RIMS2: variants seen among roughly 807,000 people sequenced by gnomAD.
The protein encoded by RIMS2 is regulating synaptic membrane exocytosis 2, also known as regulating synaptic membrane exocytosis protein 2.
Under a neutral mutation model 174.4 loss-of-function variants are expected in RIMS2, and 59 were observed. That is an observed-to-expected ratio of 0.34 (90% CI 0.27 to 0.42). The LOEUF is 0.42. Among genes scored for constraint, RIMS2 ranks in the 10% least tolerant of loss-of-function variants. RIMS2 has a pLI of 1.00. For synonymous variants in RIMS2, 606 were observed against 572.5 expected (o/e 1.06, Z -0.84); for missense variants, 1,620 against 1,666.3 (o/e 0.97, Z 0.48).
intron 2 of RIMS2, among the ~76,000 whole-genome samples, chr8:103,715,816 T>C (rs145106789): frequency 2.0e-4 from 30 of 152,294 alleles, no homozygotes; most frequent in African/African-American, 7.2e-4. Flanking sequence ...AGAGATAAAC[T>C]TCAGAAACAA....
chr8:103,567,320 A>C (rs1051213599), intron 1 of RIMS2, among the ~76,000 whole-genome samples: 2 of 151,952 alleles, frequency 1.3e-5, no homozygotes, highest in Admixed American at 6.6e-5. Context: ...ACGCCCCATT[A>C]TTCCCTCATC....
intron 1 of RIMS2, among the ~76,000 whole-genome samples, chr8:103,695,829 T>C (rs1455721064): frequency 6.6e-6 from 1 of 152,044 alleles, no homozygotes; most frequent in African/African-American, 2.4e-5. Flanking sequence ...TAATTCTTAT[T>C]GGGTTTCACT....
chr8:103,587,468 G>GAAAGAAAGAA, intron 1 of RIMS2, among the ~76,000 whole-genome samples: 1 of 96,412 alleles, frequency 1.0e-5, no homozygotes, highest in South Asian at 3.3e-4. Flanking sequence ...AAGAAAGAAA[G>GAAAGAAAGAA]AAACTATGCA....
At chr8:103,699,954 A>C (rs538356686) in intron 2 of RIMS2, among the ~76,000 whole-genome samples, 1 of 152,220 alleles carries the variant, frequency 6.6e-6, no homozygotes, top group South Asian at 2.1e-4. Context: ...ATATGCCTCA[A>C]ATTCTTTGGA....
At chr8:103,649,334 G>A (rs761772086) in intron 1 of RIMS2, among the ~76,000 whole-genome samples, 3 of 152,030 alleles carry the variant, frequency 2.0e-5, no homozygotes, top group Non-Finnish European at 4.4e-5. Context: ...GCTGCATTTT[G>A]TAGGTGACCT....
intron 19 of RIMS2, among the ~76,000 whole-genome samples, chr8:104,221,162 TTACA>T (rs1244226245): frequency 9.9e-5 from 15 of 152,192 alleles, no homozygotes; most frequent in African/African-American, 2.7e-4. Context: ...AAATTTTCTC[TTACA>T]TAAAGTATTT....
chr8:104,055,519 T>G (rs1414193850), intron 19 of RIMS2, among the ~76,000 whole-genome samples: 2 of 152,178 alleles, frequency 1.3e-5, no homozygotes, highest in Non-Finnish European at 2.9e-5. Flanking sequence ...CTATAAACAA[T>G]TATTGTACCT....
At chr8:103,583,192 A>G (rs1041342749) in intron 1 of RIMS2, among the ~76,000 whole-genome samples, 1 of 152,210 alleles carries the variant, frequency 6.6e-6, no homozygotes, top group Non-Finnish European at 1.5e-5. Context: ...TCAAGGTGGT[A>G]CCTCTATGAG....
chr8:103,611,630 T>C (rs1472757271), intron 1 of RIMS2, among the ~76,000 whole-genome samples: 1 of 152,076 alleles, frequency 6.6e-6, no homozygotes, highest in East Asian at 1.9e-4. Context: ...CTGTGAAAAG[T>C]CAGCCACCAG....
At chr8:104,046,286 G>C (rs1338859888) in intron 19 of RIMS2, among the ~76,000 whole-genome samples, 1 of 151,800 alleles carries the variant, frequency 6.6e-6, no homozygotes, top group African/African-American at 2.4e-5. Flanking sequence ...TTTCATTATG[G>C]CACAAATCCC....
chr8:103,752,294 T>G (rs183730179), intron 2 of RIMS2, among the ~76,000 whole-genome samples: 1 of 152,174 alleles, frequency 6.6e-6, no homozygotes, highest in Non-Finnish European at 1.5e-5. Flanking sequence ...GGCTCTGTTC[T>G]GTTCCATTGA....
intron 4 of RIMS2, among the ~76,000 whole-genome samples, chr8:103,892,799 T>G (rs2099254680): frequency 6.6e-6 from 1 of 152,028 alleles, no homozygotes; most frequent in African/African-American, 2.4e-5. Context: ...CATGAGCCAC[T>G]GCACCTGGCC....
rs553672174 is a variant in RIMS2 at position 103,881,151 on chromosome 8, A to G, written c.699-4147A>G. 5.3e-5 allele frequency among the ~76,000 whole-genome samples: 8 copies of G among 151,668 alleles called. No individual in the cohort carries two copies. In the East Asian group the frequency reaches 1.6e-3, roughly 29 times the overall value. On this transcript the variant is annotated intron_variant, in intron 3 of 23. Coordinates refer to ENST00000504942, the Ensembl canonical transcript of RIMS2. ...TAGGTAGTACTTAATTTAATAATAT[A>G]AAATTTGAATTTACAAAAATTAGTA...
At chr8:104,147,648 A>G (rs1479793320) in intron 19 of RIMS2, among the ~76,000 whole-genome samples, 1 of 152,130 alleles carries the variant, frequency 6.6e-6, no homozygotes, top group East Asian at 1.9e-4. Context: ...CCAAAGTAAA[A>G]CTTTCTAATA....
At chr8:104,237,804 G>A (rs188437468) in intron 19 of RIMS2, among the ~76,000 whole-genome samples, 7 of 152,214 alleles carry the variant, frequency 4.6e-5, no homozygotes, top group East Asian at 3.9e-4. Flanking sequence ...TCTTTATTTT[G>A]TTTAGACTTT....
chr8:104,027,432 T>C (rs2096279055), intron 19 of RIMS2, among the ~76,000 whole-genome samples: 1 of 152,180 alleles, frequency 6.6e-6, no homozygotes, highest in Admixed American at 6.6e-5. Context: ...TAAACAAATT[T>C]AGAAAAGAAC....
chr8:104,056,747 G>A (rs890161191), intron 19 of RIMS2, among the ~76,000 whole-genome samples: 53 of 152,042 alleles, frequency 3.5e-4, no homozygotes, highest in African/African-American at 1.0e-3. Context: ...ACAGCTGAGC[G>A]TGGTATGCAC....
At chr8:103,509,275 A>T (rs1205433293) in intron 1 of RIMS2, among the ~76,000 whole-genome samples, 4 of 152,108 alleles carry the variant, frequency 2.6e-5, no homozygotes, top group Admixed American at 1.3e-4. Context: ...TATTCACACC[A>T]TGTAATCTTT....
chr8:103,930,891 T>A (rs1285637487), intron 11 of RIMS2, among the ~76,000 whole-genome samples: 1 of 152,128 alleles, frequency 6.6e-6, no homozygotes, highest in Non-Finnish European at 1.5e-5. Flanking sequence ...TTTGAGCACT[T>A]ATTCTGAACT....
Sources: gnomAD v4.1 joint callset for allele counts (sites outside exome capture counted in the v4.1 genomes callset) on GRCh38, gnomAD v4.1.1 for gene constraint, MANE v1.5 for transcripts, NCBI Gene and HGNC (gene_info 2026-07-23, HGNC 2026-07-21) for gene names.